Variants in PAPPA2 observed in about 807,000 individuals in gnomAD.
The protein encoded by PAPPA2 is pappalysin-2.
A neutral mutation model predicts 176.4 loss-of-function variants in PAPPA2; 86 were observed. The ratio of observed to expected loss-of-function variants is 0.49; its 90% CI spans 0.41 to 0.58. The LOEUF (loss-of-function observed/expected upper bound fraction) is 0.58, where lower values mean the gene tolerates loss of function less well. Among genes scored for constraint, PAPPA2 ranks in the 20% least tolerant of loss-of-function variants. The pLI, the probability that PAPPA2 is intolerant of heterozygous loss-of-function variation, is 0.00. For missense variants in PAPPA2, 2,073 were observed against 2,256.9 expected (o/e 0.92, Z 1.65); for synonymous variants, 809 against 852.2 (o/e 0.95, Z 0.88).
chr1:176,721,514 G>A (rs1329268337), intron 12 of PAPPA2, among the ~76,000 whole-genome samples: 1 of 152,050 alleles, frequency 6.6e-6, no homozygotes, highest in Non-Finnish European at 1.5e-5. Flanking sequence ...TTTTCATTTG[G>A]CATTCATTTT....
intron 15 of PAPPA2, among the ~76,000 whole-genome samples, chr1:176,766,217 A>G (rs564827678): frequency 6.6e-6 from 1 of 152,328 alleles, no homozygotes; most frequent in Non-Finnish European, 1.5e-5. Flanking sequence ...TCCACCCCAC[A>G]ACAACCCTCC....
chr1:176,637,945 T>C (rs1656819735), intron 3 of PAPPA2, among the ~76,000 whole-genome samples: 1 of 152,098 alleles, frequency 6.6e-6, no homozygotes, highest in Non-Finnish European at 1.5e-5. Flanking sequence ...CCCTTTTCCT[T>C]TGGGAAAGGA....
At chr1:176,580,055 T>C (rs1271503760) in intron 2 of PAPPA2, among the ~76,000 whole-genome samples, 2 of 152,204 alleles carry the variant, frequency 1.3e-5, no homozygotes, top group African/African-American at 2.4e-5. Flanking sequence ...ATATATCATA[T>C]ATTATTTTAA....
intron 3 of PAPPA2, among the ~76,000 whole-genome samples, chr1:176,642,235 C>G (rs371234351): frequency 6.6e-6 from 1 of 151,796 alleles, no homozygotes; most frequent in South Asian, 2.1e-4. Flanking sequence ...ATTTAAATAA[C>G]AATAATTGCA....
At chr1:176,713,860 T>C (rs1402829329) in intron 12 of PAPPA2, among the ~76,000 whole-genome samples, 1 of 152,220 alleles carries the variant, frequency 6.6e-6, no homozygotes, top group Non-Finnish European at 1.5e-5. Context: ...TCAACACACA[T>C]AAGTCAGTTT....
intron 1 of PAPPA2, among the ~76,000 whole-genome samples, chr1:176,476,481 G>GT (rs1272975096): frequency 6.6e-6 from 1 of 152,226 alleles, no homozygotes; most frequent in Non-Finnish European, 1.5e-5. Context: ...TGTGCAACTT[G>GT]TTTTATTGTA....
At chr1:176,604,609 T>C (rs1016564364) in intron 3 of PAPPA2, among the ~76,000 whole-genome samples, 2 of 152,210 alleles carry the variant, frequency 1.3e-5, no homozygotes, top group African/African-American at 2.4e-5. Context: ...AAAGACCATG[T>C]GGCCCACAAA....
At chr1:176,569,461 G>T (rs931555494) in intron 2 of PAPPA2, among the ~76,000 whole-genome samples, 10 of 152,204 alleles carry the variant, frequency 6.6e-5, no homozygotes, top group African/African-American at 2.4e-4. Context: ...ATTTAGGTTT[G>T]CTTATGTTTT....
At position 176,726,583 on chromosome 1, in the gene PAPPA2, G is replaced by A. The variant is rs555277223; in HGVS notation, c.3799-13043G>A. On this transcript the variant is annotated intron_variant, in intron 12 of 22. Coordinates refer to ENST00000367662, the MANE Select transcript of PAPPA2 (RefSeq NM_020318.3). Reference sequence around the variant, plus strand: ...ACTGGTCTAGACTGAAAAGAGAATGGCCACTACCATTTCTTCTGAGGCCAG... The same window carrying A: ...ACTGGTCTAGACTGAAAAGAGAATGACCACTACCATTTCTTCTGAGGCCAG... 5.9e-5 allele frequency among the ~76,000 whole-genome samples: 9 copies of A among 152,306 alleles called. 1 individual carries two copies. The highest frequency in any genetic ancestry group is 1.7e-4 in the African/African-American group (7 of 41,574).
intron 1 of PAPPA2, among the ~76,000 whole-genome samples, chr1:176,473,289 A>T (rs1227546353): frequency 6.6e-6 from 1 of 152,218 alleles, no homozygotes; most frequent in Non-Finnish European, 1.5e-5. Context: ...CATACAATAT[A>T]CAGCCTTTTC....
At chr1:176,466,048 G>T (rs1407279260) in intron 1 of PAPPA2, among the ~76,000 whole-genome samples, 2 of 152,146 alleles carry the variant, frequency 1.3e-5, no homozygotes, top group Non-Finnish European at 2.9e-5. Flanking sequence ...TAGGCAACAT[G>T]CAGAATTAGG....
At chr1:176,785,832 T>A (rs895598146) in intron 17 of PAPPA2, among the ~76,000 whole-genome samples, 2 of 152,214 alleles carry the variant, frequency 1.3e-5, no homozygotes, top group African/African-American at 4.8e-5. Flanking sequence ...AATGGCTCTT[T>A]AACTCTGGGC....
intron 21 of PAPPA2, among the ~76,000 whole-genome samples, chr1:176,806,718 T>C (rs1361474932): frequency 6.6e-6 from 1 of 152,212 alleles, no homozygotes; most frequent in African/African-American, 2.4e-5. Flanking sequence ...CAGAAAACTG[T>C]GGAGATGTGG....
chr1:176,720,370 G>A (rs1661562780), intron 12 of PAPPA2, among the ~76,000 whole-genome samples: 1 of 151,766 alleles, frequency 6.6e-6, no homozygotes, highest in African/African-American at 2.4e-5. Context: ...AATATGCTTA[G>A]TTTGTTATCA....
At position 176,572,117 on chromosome 1, in the gene PAPPA2, C is replaced by T. The variant is rs183730893; in HGVS notation, c.919+14876C>T. On this transcript the variant is annotated intron_variant, in intron 2 of 22. Coordinates refer to ENST00000367662, the MANE Select transcript of PAPPA2 (RefSeq NM_020318.3). ...CATTACACAGGGGCAGACTGAGACC[C>T]CAATCTAAGTACTTGGCTCCTAATT... is the stretch of plus-strand genomic sequence containing the variant. Among the ~76,000 whole-genome samples, 5 of 152,294 alleles carry T rather than the reference C, an allele frequency of 3.3e-5. No individual in the cohort carries two copies. The East Asian group carries it at 9.7e-4, about 29-fold the overall frequency.
At chr1:176,783,309 G>C (rs145599233) in intron 17 of PAPPA2, among the ~76,000 whole-genome samples, 101 of 152,310 alleles carry the variant, frequency 6.6e-4, no homozygotes, top group Non-Finnish European at 1.2e-3. Flanking sequence ...GGTCAGCAAA[G>C]ACATGATAAT....
chr1:176,557,249 C>T lies in PAPPA2; in HGVS notation c.919+8C>T. On this transcript the variant is annotated splice_region_variant and intron_variant, in intron 2 of 22. Transcript: ENST00000367662. ...ACCCAGCCATCATCGCAGGTAACACCCTTCTCCTGGGCTTTCTGAAATCCT... is the reference window on the plus strand; with the variant it reads ...ACCCAGCCATCATCGCAGGTAACACTCTTCTCCTGGGCTTTCTGAAATCCT... 6.4e-7 allele frequency: 1 copy of T among 1,564,586 alleles called. No individual in the cohort carries two copies. The highest frequency in any genetic ancestry group is 8.7e-7 in the Non-Finnish European group (1 of 1,155,344).
chr1:176,842,323 A>T, intron 22 of PAPPA2, 57 bp from the exon 23 acceptor site: 2 of 1,485,932 alleles, frequency 1.3e-6, no homozygotes, highest in Non-Finnish European at 1.9e-6. Context: ...AAGCTCGTTT[A>T]AAAGTGTGAA....
intron 21 of PAPPA2, among the ~76,000 whole-genome samples, chr1:176,832,405 G>T (rs1667112828): frequency 6.6e-6 from 1 of 152,156 alleles, no homozygotes; most frequent in Admixed American, 6.5e-5. Flanking sequence ...CACCCAGGAG[G>T]AGTGCAGTGG....
Sources: allele counts gnomAD v4.1 joint callset (sites outside exome capture counted in the v4.1 genomes callset), GRCh38; gene constraint gnomAD v4.1.1; transcripts MANE v1.5; gene names NCBI Gene and HGNC (gene_info 2026-07-23, HGNC 2026-07-21).